PCBP3: variants seen among roughly 807,000 people sequenced by gnomAD.
The protein encoded by PCBP3 is poly(rC) binding protein 3.
In PCBP3, 25 loss-of-function variants were observed where a neutral mutation model predicts 52.7. The ratio of observed to expected loss-of-function variants is 0.47; its 90% confidence interval spans 0.35 to 0.66. The LOEUF (loss-of-function observed/expected upper bound fraction) is 0.66, where lower values mean the gene tolerates loss of function less well. Among genes scored for constraint, PCBP3 ranks in the 30% least tolerant of loss-of-function variants. The pLI, the probability that PCBP3 is intolerant of heterozygous loss-of-function variation, is 0.01. For missense variants in PCBP3, 391 were observed against 490.3 expected (o/e 0.80, Z 1.91); for synonymous variants, 162 against 183.0 (o/e 0.89, Z 0.93).
intron 2 of PCBP3, among the ~76,000 whole-genome samples, chr21:45,733,941 TCAAC>T (rs1287167449): frequency 6.6e-6 from 1 of 152,252 alleles, no homozygotes; most frequent in Non-Finnish European, 1.5e-5. Flanking sequence ...ATCTTACTGA[TCAAC>T]CAATCTCATT....
At chr21:45,804,728 G>A (rs2092433582) in intron 4 of PCBP3, among the ~76,000 whole-genome samples, 2 of 151,968 alleles carry the variant, frequency 1.3e-5, no homozygotes, top group Admixed American at 1.3e-4. Context: ...TTGTAGTGTT[G>A]GCCAGTTTTA....
chr21:45,680,702 A>G (rs190294579), intron 2 of PCBP3, among the ~76,000 whole-genome samples: 124 of 152,208 alleles, frequency 8.1e-4, no homozygotes, highest in African/African-American at 2.9e-3. Flanking sequence ...TCCTTATTAC[A>G]CAGGTTAGAA....
Position 45,800,359 on chromosome 21 carries a change from T to C in PCBP3, c.-126+44907T>C, listed in dbSNP as rs2092247468. On this transcript the variant is annotated intron_variant, in intron 4 of 17. Transcript: ENST00000681687. This position sits in a 1 kb window ranked among gnomAD's most constrained non-coding sequence, Gnocchi z 5.3. Reference sequence around the variant, plus strand: ...TGTGCGCCCTGAGCCAGGCCTTCTGTGAAGTGCAGATGATGTCGCCTTTGT... The same window carrying C: ...TGTGCGCCCTGAGCCAGGCCTTCTGCGAAGTGCAGATGATGTCGCCTTTGT... Among the ~76,000 whole-genome samples, 1 of 152,122 alleles carries C rather than the reference T, an allele frequency of 6.6e-6. No individual in the cohort carries two copies. The highest frequency in any genetic ancestry group is 1.5e-5 in the Non-Finnish European group (1 of 68,008).
rs372247135 is a variant in PCBP3 at position 45,690,749 on chromosome 21, A to T, written c.-200+21797A>T. ...ATTAGTCTTCAGGAAAATGAAAGCT[A>T]AAAGCACAAGGAGATATTAATATCT... On this transcript the variant is annotated intron_variant, in intron 2 of 17. Transcript: ENST00000681687. Among the ~76,000 whole-genome samples, 447 of 152,326 alleles carry T rather than the reference A, an allele frequency of 2.9e-3. 1 individual carries two copies. The highest frequency in any genetic ancestry group is 9.9e-3 in the African/African-American group (412 of 41,582).
At position 45,896,257 on chromosome 21, in the gene PCBP3, C is replaced by T. The variant is rs1335914557; in HGVS notation, c.60C>T (p.Thr20=). 3.2e-6 allele frequency: 5 copies of T among 1,552,238 alleles called. No homozygotes were observed. In the East Asian group the frequency reaches 9.8e-5, roughly 30 times the overall value. ...PSVLPHSTLS[T]LSHHPQPQFG... is the part of the protein sequence containing the mutation. ...TCCTTCCTCACAGCACCCTCAGCAC[C>T]TTAAGCCACCACCCTCAGCCACAAT... The change falls in exon 6 of 18, where the codon ACC becomes ACT. Residue 20 remains threonine (T), a synonymous_variant. Transcript: ENST00000681687.
chr21:45,699,914 G>A (rs892472175), intron 2 of PCBP3, among the ~76,000 whole-genome samples: 12 of 152,072 alleles, frequency 7.9e-5, no homozygotes, highest in East Asian at 5.8e-4. Flanking sequence ...ATATCATTCC[G>A]CCCCAGCCCC....
At chr21:45,902,643 G>A (rs1230978845) in intron 9 of PCBP3, among the ~76,000 whole-genome samples, 5 of 152,338 alleles carry the variant, frequency 3.3e-5, no homozygotes, top group South Asian at 2.1e-4. Flanking sequence ...CAAGAGCGCC[G>A]TTACCCAACC....
At chr21:45,879,668 G>A (rs1007371972) in intron 5 of PCBP3, among the ~76,000 whole-genome samples, 1 of 151,562 alleles carries the variant, frequency 6.6e-6, no homozygotes, top group Non-Finnish European at 1.5e-5. Context: ...GAGATAACTG[G>A]AAATTTTCCA....
chr21:45,777,061 A>G (rs1179103176), intron 4 of PCBP3, among the ~76,000 whole-genome samples: 2 of 152,104 alleles, frequency 1.3e-5, no homozygotes, highest in African/African-American at 4.8e-5. Flanking sequence ...TTGTACTTCC[A>G]GGTTTAGGAC....
intron 14 of PCBP3, among the ~76,000 whole-genome samples, chr21:45,930,264 G>A (rs1215846657): frequency 3.9e-5 from 6 of 152,164 alleles, no homozygotes; most frequent in South Asian, 4.2e-4. Flanking sequence ...TCTGCCCACC[G>A]AGGGTCTGCA....
intron 15 of PCBP3, among the ~76,000 whole-genome samples, chr21:45,932,557 G>A (rs759126409): frequency 2.1e-4 from 29 of 136,552 alleles, no homozygotes; most frequent in Non-Finnish European, 4.7e-5. Flanking sequence ...ACGAACACCC[G>A]GGCCATGCTG....
At chr21:45,698,082 C>T (rs758839654) in intron 2 of PCBP3, among the ~76,000 whole-genome samples, 2 of 152,172 alleles carry the variant, frequency 1.3e-5, no homozygotes, top group Non-Finnish European at 2.9e-5. Context: ...TGAAAAACAA[C>T]TTTTTTCTAT....
chr21:45,666,679 C>T (rs984656250), intron 1 of PCBP3, among the ~76,000 whole-genome samples: 1 of 150,556 alleles, frequency 6.6e-6, no homozygotes, highest in African/African-American at 2.4e-5. Context: ...ATCCTACAGC[C>T]TTCTAGTTTC....
intron 4 of PCBP3, chr21:45,760,281 A>T (rs2088499929): frequency 6.6e-6 from 1 of 151,866 alleles, no homozygotes; most frequent in South Asian, 2.1e-4. Flanking sequence ...GGCTCAGTCC[A>T]CTCTCCTGCC....
chr21:45,904,009 A>G lies in PCBP3; in HGVS notation c.339+2896A>G, dbSNP rs2096134342. Among the ~76,000 whole-genome samples, 1 of 152,186 alleles carries G rather than the reference A, an allele frequency of 6.6e-6. No homozygotes were observed. Among genetic ancestry groups the G allele is most frequent in the Non-Finnish European group, 1.5e-5 (1 of 68,024 alleles). On this transcript the variant is annotated intron_variant, in intron 9 of 17. Coordinates refer to ENST00000681687, the MANE Select transcript of PCBP3 (RefSeq NM_001384156.1). The surrounding 1 kb of genome is among the most constrained non-coding windows in gnomAD (Gnocchi z 4.8). ...AGCAATACTTGTAAGACCCCTTGCA[A>G]TGAGTTTAGAGAAACAGATTTTCTC...
intron 5 of PCBP3, among the ~76,000 whole-genome samples, chr21:45,856,870 A>G (rs1438151648): frequency 6.6e-6 from 1 of 152,210 alleles, no homozygotes; most frequent in African/African-American, 2.4e-5. Flanking sequence ...TGGTCCAGAA[A>G]GGTGGGACAA....
At chr21:45,849,831 C>T in intron 4 of PCBP3, 130 bp from the exon 5 acceptor site, 1 of 524,268 alleles carries the variant, frequency 1.9e-6, no homozygotes, top group Non-Finnish European at 3.4e-6. Context: ...TCACACTGTG[C>T]CTTGTACTCG....
chr21:45,800,018 G>A lies in PCBP3; in HGVS notation c.-126+44566G>A, dbSNP rs13051803. Among the ~76,000 whole-genome samples the A allele has an allele frequency of 6.6e-6, 1 of 152,106 alleles. No homozygotes were observed. The highest frequency in any genetic ancestry group is 1.5e-5 in the Non-Finnish European group (1 of 68,014). Reference sequence around the variant, plus strand: ...CGGGGAGGGTCCTCTCAGCTCCCGCGCCCTCTGCCCACAGCTTGTTCTCTC... The same window carrying A: ...CGGGGAGGGTCCTCTCAGCTCCCGCACCCTCTGCCCACAGCTTGTTCTCTC... On this transcript the variant is annotated intron_variant, in intron 4 of 17. Transcript: ENST00000681687. The surrounding 1 kb of genome is among the most constrained non-coding windows in gnomAD (Gnocchi z 5.3).
intron 2 of PCBP3, among the ~76,000 whole-genome samples, chr21:45,688,155 C>G (rs990538887): frequency 7.9e-5 from 12 of 152,158 alleles, no homozygotes; most frequent in African/African-American, 2.9e-4. Flanking sequence ...AGACAGCACT[C>G]TTTTTCCTGT....
Sources: allele counts gnomAD v4.1 joint callset (sites outside exome capture counted in the v4.1 genomes callset), GRCh38; gene constraint gnomAD v4.1.1; non-coding constraint Gnocchi (gnomAD v3.1); transcripts MANE v1.5; gene names NCBI Gene and HGNC (gene_info 2026-07-23, HGNC 2026-07-21).